Variants in XRCC5 observed in about 807,000 individuals in gnomAD.
The protein encoded by XRCC5 is DNA repair protein Ku80.
Under a neutral mutation model 95.7 loss-of-function variants are expected in XRCC5, and 12 were observed. That is an observed-to-expected ratio of 0.13 (90% CI 0.08 to 0.20). The LOEUF (loss-of-function observed/expected upper bound fraction) is 0.20, where lower values mean the gene tolerates loss of function less well. Ranked by LOEUF, XRCC5 falls within the 10% of genes least tolerant of loss-of-function variation. The pLI, the probability that XRCC5 is intolerant of heterozygous loss-of-function variation, is 1.00. For synonymous variants in XRCC5, 281 were observed against 290.3 expected, an observed-to-expected ratio of 0.97 and a Z score of 0.33; for missense variants, 595 against 873.9, an observed-to-expected ratio of 0.68 and a Z score of 4.02.
chr2:216,138,331 G>A (rs1697122191), intron 12 of XRCC5, 152 bp downstream of exon 12: 2 of 694,458 alleles, frequency 2.9e-6, no homozygotes, highest in South Asian at 3.4e-5. Flanking sequence ...TGATGAAGGT[G>A]GTTTACTTGG....
In XRCC5 at chr2:216,180,603, G is replaced by A. The variant is rs111875995; in HGVS notation, c.1835-9622G>A. Among the ~76,000 whole-genome samples, 314 of 152,174 alleles carry A rather than the reference G, an allele frequency of 2.1e-3. 1 individual carries two copies. Among genetic ancestry groups the A allele is most frequent in the African/African-American group, 7.0e-3 (290 of 41,554 alleles). Reference sequence around the variant, plus strand: ...GATCATGCCAGTGCACTCCAGCCTGGGCAACAGAGCAAGACTCTGTCTTAA... The same window carrying A: ...GATCATGCCAGTGCACTCCAGCCTGAGCAACAGAGCAAGACTCTGTCTTAA... On this transcript the variant is annotated intron_variant, in intron 16 of 20. Transcript: ENST00000392132.
intron 3 of XRCC5, 49 bp from the exon 4 acceptor site, chr2:216,117,697 T>C (rs751764647): frequency 6.3e-7 from 1 of 1,593,306 alleles, no homozygotes; most frequent in South Asian, 1.1e-5. Context: ...GAGTTGCGTG[T>C]TCACATGAAG....
chr2:216,156,140 C>T (rs1302069605), intron 14 of XRCC5, among the ~76,000 whole-genome samples: 1 of 152,220 alleles, frequency 6.6e-6, no homozygotes, highest in African/African-American at 2.4e-5. Flanking sequence ...TACTTTCATA[C>T]AGATTTCACA....
chr2:216,178,891 AC>A, intron 16 of XRCC5, among the ~76,000 whole-genome samples: 1 of 152,334 alleles, frequency 6.6e-6, no homozygotes, highest in African/African-American at 2.4e-5. Flanking sequence ...AGAGGAATAA[AC>A]CAGTGAGGCC....
chr2:216,131,667 A>G (rs1290661422), intron 9 of XRCC5, among the ~76,000 whole-genome samples: 1 of 152,122 alleles, frequency 6.6e-6, no homozygotes, highest in Non-Finnish European at 1.5e-5. Context: ...TCAAGCCTCT[A>G]CTGTTCATCA....
At chr2:216,200,779 T>C (rs997613060) in intron 19 of XRCC5, among the ~76,000 whole-genome samples, 6 of 152,202 alleles carry the variant, frequency 3.9e-5, no homozygotes, top group African/African-American at 1.4e-4. Flanking sequence ...AATCATGCCT[T>C]TTTTTCATCA....
At chr2:216,204,603 G>A (rs1426093711) in intron 20 of XRCC5, among the ~76,000 whole-genome samples, 1 of 152,146 alleles carries the variant, frequency 6.6e-6, no homozygotes, top group Non-Finnish European at 1.5e-5. Flanking sequence ...GTTTCATGGT[G>A]TCGGCTATAT....
chr2:216,180,397 G>A (rs1445232611), intron 16 of XRCC5, among the ~76,000 whole-genome samples: 2 of 152,202 alleles, frequency 1.3e-5, no homozygotes, highest in African/African-American at 2.4e-5. Context: ...AGGCCAAGGC[G>A]GGTGGATCAC....
chr2:216,145,565 T>A (rs139523390), intron 13 of XRCC5, among the ~76,000 whole-genome samples: 1 of 152,328 alleles, frequency 6.6e-6, no homozygotes, highest in South Asian at 2.1e-4. Context: ...GAAATGTCAC[T>A]TTCTCATAAT....
At chr2:216,151,942 C>T (rs1030640558) in intron 14 of XRCC5, among the ~76,000 whole-genome samples, 3 of 151,994 alleles carry the variant, frequency 2.0e-5, no homozygotes, top group Non-Finnish European at 4.4e-5. Context: ...TGGCAGAAGG[C>T]GAGGGAGAAG....
chr2:216,136,968 A>AG (rs1491493173), intron 10 of XRCC5, 120 bp from the exon 11 acceptor site: 6 of 1,247,980 alleles, frequency 4.8e-6, no homozygotes, highest in Non-Finnish European at 6.5e-6. Flanking sequence ...CCTTCAAGTC[A>AG]GGGGGCACCC....
At chr2:216,111,018 C>T (rs1696582549) in intron 1 of XRCC5, among the ~76,000 whole-genome samples, 2 of 152,272 alleles carry the variant, frequency 1.3e-5, no homozygotes, top group South Asian at 4.1e-4. Context: ...TAGAAATCAT[C>T]TATAACTTCC....
rs763696952 is a variant in XRCC5 at position 216,138,198 on chromosome 2, A to C, written c.1342+19A>C. The C allele has an allele frequency of 2.5e-6, 4 of 1,601,050 alleles. No homozygotes were observed. The stretch of plus-strand genomic sequence containing the variant: ...CCCACCGGTGAGTTTGTTTTCATTT[A>C]GATCACTCATTGACTACACACACTG... On this transcript the variant is annotated intron_variant, in intron 12 of 20. Transcript: ENST00000392132.
intron 16 of XRCC5, among the ~76,000 whole-genome samples, chr2:216,182,823 T>C (rs927287783): frequency 1.2e-4 from 19 of 152,310 alleles, no homozygotes; most frequent in South Asian, 2.1e-4. Context: ...TAAATATTAA[T>C]TGATGACCTT....
chr2:216,202,446 A>G (rs16855625), intron 19 of XRCC5, among the ~76,000 whole-genome samples: 4,631 of 152,338 alleles, frequency 0.03, 234 homozygotes, highest in African/African-American at 0.11. Flanking sequence ...CAGATAAATC[A>G]TATGCTAGTA....
At chr2:216,141,823 C>G (rs1056424477) in intron 13 of XRCC5, among the ~76,000 whole-genome samples, 1 of 152,062 alleles carries the variant, frequency 6.6e-6, no homozygotes, top group Non-Finnish European at 1.5e-5. Context: ...GAGGCTGAGG[C>G]AGGTGCATCA....
intron 13 of XRCC5, among the ~76,000 whole-genome samples, chr2:216,141,540 CTTTTTTT>C (rs71401137): frequency 3.7e-4 from 24 of 64,982 alleles, no homozygotes; most frequent in South Asian, 1.1e-3. Flanking sequence ...TCTTTCTTTT[CTTTTTTT>C]TTTTTTTTTT....
At chr2:216,180,842 C>T (rs1329903633) in intron 16 of XRCC5, among the ~76,000 whole-genome samples, 34 of 146,598 alleles carry the variant, frequency 2.3e-4, no homozygotes, top group African/African-American at 7.6e-4. Context: ...GATGGAGTTT[C>T]GCTGTCGTTG....
chr2:216,176,819 T>G (rs1689286646), intron 16 of XRCC5, among the ~76,000 whole-genome samples: 1 of 152,234 alleles, frequency 6.6e-6, no homozygotes, highest in Non-Finnish European at 1.5e-5. Flanking sequence ...GAAACCTCTT[T>G]TCTAATATAG....
Sources: allele counts gnomAD v4.1 joint callset (sites outside exome capture counted in the v4.1 genomes callset), GRCh38; gene constraint gnomAD v4.1.1; transcripts MANE v1.5; gene names NCBI Gene and HGNC (gene_info 2026-07-23, HGNC 2026-07-21).